RAB11FIP3: variants seen among roughly 807,000 people sequenced by gnomAD.
The protein encoded by RAB11FIP3 is rab11 family-interacting protein 3.
RAB11FIP3 carries 17 observed loss-of-function variants against 77.8 expected under a neutral mutation model. The observed-to-expected ratio is 0.22, with a 90% CI of 0.15 to 0.33. RAB11FIP3 has a LOEUF of 0.33. Among genes scored for constraint, RAB11FIP3 ranks in the 10% least tolerant of loss-of-function variants. The pLI, the probability that RAB11FIP3 is intolerant of heterozygous loss-of-function variation, is 1.00. For missense variants in RAB11FIP3, 1,005 were observed against 1,011.2 expected (o/e 0.99, Z 0.08); for synonymous variants, 437 against 448.2 (o/e 0.98, Z 0.31).
intron 5 of RAB11FIP3, among the ~76,000 whole-genome samples, chr16:492,600 C>A (rs1417697358): frequency 1.3e-5 from 2 of 150,824 alleles, no homozygotes; most frequent in African/African-American, 2.5e-5. Flanking sequence ...TTTCTGCCTG[C>A]GTGTGTGTTC....
At chr16:493,848 C>A (rs375981652) in intron 5 of RAB11FIP3, among the ~76,000 whole-genome samples, 1 of 146,090 alleles carries the variant, frequency 6.8e-6, no homozygotes, top group Non-Finnish European at 1.5e-5. Context: ...CGCCTTGACC[C>A]CCCAAAGTGC....
rs1231787525 is a variant in RAB11FIP3, at chr16:506,025, C to A, written c.1499+398C>A. Among the ~76,000 whole-genome samples, 1 of 152,228 alleles carries A rather than the reference C, an allele frequency of 6.6e-6. No individual in the cohort carries two copies. Among genetic ancestry groups the A allele is most frequent in the South Asian group, 2.1e-4 (1 of 4,834 alleles). ...GGGGTTTGCCCGTCCTGGAAGAATG[C>A]AGGTTAGAGAAGTCGCTCAGCAGCA... On this transcript the variant is annotated intron_variant, in intron 8 of 13. Transcript: ENST00000262305. The surrounding 1 kb of genome is among the most constrained non-coding windows in gnomAD (Gnocchi z 4.5).
At position 522,233 on chromosome 16, in the gene RAB11FIP3, G is replaced by A. The variant is rs2141920760; in HGVS notation, c.*1394G>A. On this transcript the variant is annotated 3_prime_UTR_variant, in exon 14 of 14. Transcript: ENST00000262305. ...TTTAATACTTTCAAGAGAAAACTGT[G>A]TATACACATGAAATATATATATATA... is the stretch of plus-strand genomic sequence containing the variant. The A allele has an allele frequency of 7.1e-6, 1 of 140,598 alleles. No individual in the cohort carries two copies. The highest frequency in any genetic ancestry group is 2.8e-5 in the African/African-American group (1 of 35,838). The allele number at this position is 140,598 out of a possible 1,614,324, so 8.7% of individuals were successfully genotyped here.
chr16:429,793 C>T (rs1487814838), intron 1 of RAB11FIP3, among the ~76,000 whole-genome samples: 3 of 152,084 alleles, frequency 2.0e-5, no homozygotes, highest in African/African-American at 7.3e-5. Context: ...CCACTGTGCC[C>T]GGCCAAGTAT....
rs562252745 is a variant in RAB11FIP3 at position 430,188 on chromosome 16, G to A, written c.714+3468G>A. Among the ~76,000 whole-genome samples the A allele has an allele frequency of 7.2e-5, 11 of 152,286 alleles. No homozygotes were observed. In the East Asian group the frequency reaches 1.9e-3, roughly 27 times the overall value. On this transcript the variant is annotated intron_variant, in intron 1 of 13. Coordinates refer to ENST00000262305, the MANE Select transcript of RAB11FIP3 (RefSeq NM_014700.4). ...AAGGCTTCAACCATCTCTGGAGATT[G>A]ACATGACCCCTTCATACTGAGAGGA...
At chr16:456,453 GAAAA>G (rs1472986647) in intron 1 of RAB11FIP3, among the ~76,000 whole-genome samples, 15 of 145,764 alleles carry the variant, frequency 1.0e-4, no homozygotes, top group African/African-American at 3.4e-4. Flanking sequence ...AAAAAAAAAA[GAAAA>G]AGAAAAAGAA....
chr16:490,997 T>C (rs924118905), intron 5 of RAB11FIP3: 6 of 801,602 alleles, frequency 7.5e-6, no homozygotes, highest in Non-Finnish European at 8.5e-6. Flanking sequence ...AGCCAGAACA[T>C]TGCACAGCTC....
chr16:445,079 A>G (rs963601424), intron 1 of RAB11FIP3, among the ~76,000 whole-genome samples: 33 of 133,466 alleles, frequency 2.5e-4, no homozygotes, highest in East Asian at 1.6e-3. Flanking sequence ...TCACCACTGC[A>G]CTCCAGCCTG....
At chr16:439,743 C>G (rs1052885960) in intron 1 of RAB11FIP3, among the ~76,000 whole-genome samples, 1 of 152,010 alleles carries the variant, frequency 6.6e-6, no homozygotes, top group Non-Finnish European at 1.5e-5. Flanking sequence ...GAAAGAAGTA[C>G]ATTGGTTCAT....
intron 6 of RAB11FIP3, among the ~76,000 whole-genome samples, chr16:499,199 C>A (rs564379104): frequency 1.3e-5 from 2 of 152,078 alleles, no homozygotes. Flanking sequence ...GCAACAAGAG[C>A]GAGACTCCAT....
chr16:448,417 A>G (rs939863505), intron 1 of RAB11FIP3, among the ~76,000 whole-genome samples: 37 of 151,560 alleles, frequency 2.4e-4, no homozygotes, highest in Non-Finnish European at 2.2e-4. Flanking sequence ...CAGCCTGATC[A>G]ACATGGAGAA....
chr16:456,257 C>A (rs1477636607), intron 1 of RAB11FIP3, among the ~76,000 whole-genome samples: 3 of 151,894 alleles, frequency 2.0e-5, no homozygotes, highest in Non-Finnish European at 4.4e-5. Flanking sequence ...CGAGACCAGC[C>A]TGGGCAACAT....
At position 426,250 on chromosome 16, in the gene RAB11FIP3, C is replaced by T; in HGVS notation, c.244C>T (p.Pro82Ser). The T allele has an allele frequency of 8.9e-6, 10 of 1,124,736 alleles. No individual in the cohort carries two copies. The highest frequency in any genetic ancestry group is 1.1e-5 in the Non-Finnish European group (10 of 920,786). 69.7% of individuals were successfully genotyped at this position (1,124,736 alleles called of 1,614,324 possible). ...AGPAPGLEGG[P>S]RDPGPSAPPP... Reference sequence around the variant, plus strand: ...GCCGGCCCCGGGGCTGGAGGGAGGCCCGCGAGACCCCGGGCCGTCCGCCCC... The same window carrying T: ...GCCGGCCCCGGGGCTGGAGGGAGGCTCGCGAGACCCCGGGCCGTCCGCCCC... Residue 82 changes from proline to serine, a missense_variant, in exon 1 of 14, where the codon CCG (proline) becomes TCG (serine). Transcript: ENST00000262305. The surrounding 1 kb of genome is among the most constrained non-coding windows in gnomAD (Gnocchi z 5.0).
At chr16:434,906 C>G (rs1427074313) in intron 1 of RAB11FIP3, among the ~76,000 whole-genome samples, 1 of 151,724 alleles carries the variant, frequency 6.6e-6, no homozygotes, top group African/African-American at 2.4e-5. Flanking sequence ...CTACTGTCTA[C>G]TAAAAATACA....
chr16:490,089 TC>T, intron 5 of RAB11FIP3, among the ~76,000 whole-genome samples: 1 of 152,232 alleles, frequency 6.6e-6, no homozygotes, highest in Non-Finnish European at 1.5e-5. Flanking sequence ...GTTTAGTTTG[TC>T]CCTGTCTCCT....
chr16:500,685 CGCAAAAA>C (rs1440897915), intron 6 of RAB11FIP3, among the ~76,000 whole-genome samples: 2 of 50,348 alleles, frequency 4.0e-5, no homozygotes, highest in Non-Finnish European at 6.1e-5. Flanking sequence ...AAGACTCTGT[CGCAAAAA>C]AAAAAAAAAA....
chr16:456,547 G>C (rs1238922750), intron 1 of RAB11FIP3, among the ~76,000 whole-genome samples: 1 of 152,130 alleles, frequency 6.6e-6, no homozygotes, highest in African/African-American at 2.4e-5. Context: ...CTTGGGGTCA[G>C]GAGTTCAAGA....
intron 5 of RAB11FIP3, among the ~76,000 whole-genome samples, chr16:494,118 G>T (rs12919741): frequency 0.28 from 19,274 of 69,738 alleles, 3,258 homozygotes; most frequent in African/African-American, 0.38. Flanking sequence ...CTCAATCTCC[G>T]GACCTCGTGA....
chr16:494,124 C>T (rs1174803056), intron 5 of RAB11FIP3, among the ~76,000 whole-genome samples: 1 of 124,660 alleles, frequency 8.0e-6, no homozygotes, highest in Admixed American at 7.8e-5. Flanking sequence ...CTCCGGACCT[C>T]GTGATCCGCC....
Sources: allele counts gnomAD v4.1 joint callset (sites outside exome capture counted in the v4.1 genomes callset), GRCh38; gene constraint gnomAD v4.1.1; non-coding constraint Gnocchi (gnomAD v3.1); transcripts MANE v1.5; gene names NCBI Gene and HGNC (gene_info 2026-07-23, HGNC 2026-07-21).